BMERB1: variants seen among roughly 807,000 people sequenced by gnomAD.
BMERB1 encodes bMERB domain-containing protein 1.
BMERB1 carries 12 observed loss-of-function variants against 23.6 expected under a neutral mutation model. The ratio of observed to expected loss-of-function variants is 0.51; its 90% CI spans 0.33 to 0.82. BMERB1 has a LOEUF of 0.82. Ranked by LOEUF, BMERB1 falls within the 40% of genes least tolerant of loss-of-function variation. The probability of loss-of-function intolerance (pLI) is 0.03; values close to 1 mark genes in which losing one functional copy is unlikely to be tolerated. For synonymous variants in BMERB1, 122 were observed against 96.6 expected, an observed-to-expected ratio of 1.26 and a Z score of -1.54; for missense variants, 247 against 255.4, an observed-to-expected ratio of 0.97 and a Z score of 0.22.
chr16:15,506,201 A>C (rs1567473082), intron 1 of BMERB1, among the ~76,000 whole-genome samples: 1 of 151,368 alleles, frequency 6.6e-6, no homozygotes, highest in South Asian at 2.1e-4. Flanking sequence ...TTTGAGACGG[A>C]GTCTTGCTCT....
In BMERB1 at chr16:15,587,610, C is replaced by G. The variant is rs1161898321; in HGVS notation, c.*781C>G. 2 of 436,664 alleles carry G rather than the reference C, an allele frequency of 4.6e-6. No homozygotes were observed. Among genetic ancestry groups the G allele is most frequent in the Non-Finnish European group, 9.3e-6 (2 of 214,286 alleles). 27.0% of individuals were successfully genotyped at this position (436,664 alleles called of 1,614,324 possible). A position where few individuals can be genotyped will look rare whatever the true frequency, so the allele number is the denominator to read the frequency against. ...AAGGCCAGAGCAGTTGAGAATGGGACCCAGAGTAGATGCTGACCTGGGCAC... is the reference window on the plus strand; with the variant it reads ...AAGGCCAGAGCAGTTGAGAATGGGAGCCAGAGTAGATGCTGACCTGGGCAC... On this transcript the variant is annotated 3_prime_UTR_variant, in exon 6 of 6. Coordinates refer to ENST00000300006, the MANE Select transcript of BMERB1 (RefSeq NM_033201.3).
intron 1 of BMERB1, among the ~76,000 whole-genome samples, chr16:15,451,025 G>C (rs569624801): frequency 6.6e-6 from 1 of 152,290 alleles, no homozygotes; most frequent in Admixed American, 6.5e-5. Flanking sequence ...GGTTTTCCAA[G>C]TGTGAGATTT....
chr16:15,537,372 T>G (rs78887901), intron 2 of BMERB1, among the ~76,000 whole-genome samples: 3 of 148,796 alleles, frequency 2.0e-5, no homozygotes, highest in Admixed American at 1.3e-4. Flanking sequence ...TTTTTTTTTT[T>G]GAGACAGCAT....
intron 1 of BMERB1, among the ~76,000 whole-genome samples, chr16:15,468,162 T>TCC (rs1555506728): frequency 5.3e-4 from 34 of 64,556 alleles, no homozygotes; most frequent in Non-Finnish European, 9.9e-4. Context: ...TTTTTTTTTT[T>TCC]TGAGGCAGGG....
intron 2 of BMERB1, among the ~76,000 whole-genome samples, chr16:15,516,422 A>G (rs1380833767): frequency 1.3e-5 from 2 of 152,128 alleles, no homozygotes; most frequent in Non-Finnish European, 2.9e-5. Flanking sequence ...CCTGTCGCTA[A>G]AAGAAAAAAA....
At chr16:15,445,901 T>A (rs2050984844) in intron 1 of BMERB1, among the ~76,000 whole-genome samples, 1 of 152,270 alleles carries the variant, frequency 6.6e-6, no homozygotes, top group African/African-American at 2.4e-5. Flanking sequence ...TACAACAGAA[T>A]GCTTCTCAGC....
intron 2 of BMERB1, among the ~76,000 whole-genome samples, chr16:15,544,799 A>G (rs1424842155): frequency 1.3e-5 from 2 of 152,176 alleles, no homozygotes; most frequent in Non-Finnish European, 2.9e-5. Context: ...CTAGTTCTCC[A>G]TCAATCACAG....
At chr16:15,503,550 G>A (rs984643714) in intron 1 of BMERB1, among the ~76,000 whole-genome samples, 6 of 150,426 alleles carry the variant, frequency 4.0e-5, no homozygotes, top group East Asian at 2.0e-4. Flanking sequence ...CATCCACCTC[G>A]GCCTCCCAAA....
At chr16:15,577,272 C>T (rs374177707) in intron 3 of BMERB1, 1 of 152,156 alleles carries the variant, frequency 6.6e-6, no homozygotes, top group African/African-American at 2.4e-5. Context: ...CTCGATTTTA[C>T]TGGCTGCTCC....
intron 1 of BMERB1, among the ~76,000 whole-genome samples, chr16:15,475,064 C>G (rs1347178647): frequency 1.3e-5 from 2 of 152,116 alleles, no homozygotes; most frequent in East Asian, 1.9e-4. Flanking sequence ...TATTCACTTT[C>G]CCCCTTGGTG....
intron 1 of BMERB1, among the ~76,000 whole-genome samples, chr16:15,462,436 G>GCCAC (rs1166830540): frequency 6.6e-6 from 1 of 152,016 alleles, no homozygotes; most frequent in Non-Finnish European, 1.5e-5. Flanking sequence ...ACAGGTGTGA[G>GCCAC]CCACCACACC....
intron 2 of BMERB1, among the ~76,000 whole-genome samples, chr16:15,550,868 C>T (rs1883076239): frequency 6.6e-6 from 1 of 152,076 alleles, no homozygotes; most frequent in African/African-American, 2.4e-5. Context: ...AATAAGAATA[C>T]CACCCTACAG....
intron 2 of BMERB1, among the ~76,000 whole-genome samples, chr16:15,558,489 G>A (rs544983585): frequency 2.0e-5 from 3 of 151,956 alleles, no homozygotes; most frequent in Admixed American, 1.3e-4. Flanking sequence ...GGAGTTTTGG[G>A]CCCTCTGACG....
chr16:15,581,656 C>T (rs1174028803), intron 4 of BMERB1, among the ~76,000 whole-genome samples: 1 of 152,200 alleles, frequency 6.6e-6, no homozygotes, highest in Non-Finnish European at 1.5e-5. Context: ...CTTCTGCTAT[C>T]AGTTTCTACC....
intron 2 of BMERB1, among the ~76,000 whole-genome samples, chr16:15,529,170 G>GC (rs1403208820): frequency 6.6e-6 from 1 of 151,906 alleles, no homozygotes; most frequent in African/African-American, 2.4e-5. Flanking sequence ...GACTACAGGC[G>GC]CCCACCACCA....
At chr16:15,552,445 AAAAAAG>A (rs2030120145) in intron 2 of BMERB1, among the ~76,000 whole-genome samples, 1 of 152,130 alleles carries the variant, frequency 6.6e-6, no homozygotes, top group Non-Finnish European at 1.5e-5. Flanking sequence ...ATCTCAAAAA[AAAAAAG>A]AAGAAGAAGA....
chr16:15,483,831 G>T (rs531620369), intron 1 of BMERB1, among the ~76,000 whole-genome samples: 10 of 152,160 alleles, frequency 6.6e-5, no homozygotes, highest in African/African-American at 2.2e-4. Context: ...GAGGATTAAC[G>T]ATGTAATTAC....
chr16:15,567,539 G>A (rs1465005415), intron 2 of BMERB1, among the ~76,000 whole-genome samples: 2 of 152,154 alleles, frequency 1.3e-5, no homozygotes, highest in African/African-American at 4.8e-5. Flanking sequence ...CTTGAGGCCA[G>A]GAGTTTAAGA....
chr16:15,529,885 A>G (rs2150958916), intron 2 of BMERB1, among the ~76,000 whole-genome samples: 1 of 152,306 alleles, frequency 6.6e-6, no homozygotes, highest in East Asian at 1.9e-4. Context: ...ACAGCTGCAA[A>G]TGTGTTAAAA....
Sources: gnomAD v4.1 joint callset for allele counts (sites outside exome capture counted in the v4.1 genomes callset) on GRCh38, gnomAD v4.1.1 for gene constraint, MANE v1.5 for transcripts, NCBI Gene and HGNC (gene_info 2026-07-23, HGNC 2026-07-21) for gene names.